IL1RAPL2: variants seen among roughly 807,000 people sequenced by gnomAD.
IL1RAPL2 encodes interleukin 1 receptor accessory protein like 2.
In IL1RAPL2, 3 loss-of-function variants were observed where a neutral mutation model predicts 44.1. The ratio of observed to expected loss-of-function variants is 0.07; its 90% CI spans 0.03 to 0.18. IL1RAPL2 has a LOEUF of 0.18. IL1RAPL2 is among the 10% of genes least tolerant of loss of function. IL1RAPL2 has a pLI of 1.00. For synonymous variants in IL1RAPL2, 181 were observed against 178.8 expected (o/e 1.01, Z -0.10); for missense variants, 391 against 496.4 (o/e 0.79, Z 2.02).
intron 6 of IL1RAPL2, among the ~76,000 whole-genome samples, chrX:105,563,546 C>T (rs915040956): frequency 1.8e-5 from 2 of 111,678 alleles, no homozygotes; most frequent in Non-Finnish European, 3.8e-5. Context: ...CTATGTTACA[C>T]ATAGAGTCTC....
intron 6 of IL1RAPL2, among the ~76,000 whole-genome samples, chrX:105,698,135 T>C (rs1229477320): frequency 2.7e-5 from 3 of 111,444 alleles, no homozygotes; most frequent in African/African-American, 9.8e-5. Context: ...ATATTTAAGA[T>C]CTTTTACATT....
chrX:105,038,787 C>CCT (rs1283828003), intron 2 of IL1RAPL2, among the ~76,000 whole-genome samples: 3 of 110,547 alleles, frequency 2.7e-5, no homozygotes, highest in Admixed American at 9.7e-5. Flanking sequence ...TGCCCTGTCT[C>CCT]CTGGTGCTAG....
chrX:105,665,140 A>G (rs965988789), intron 6 of IL1RAPL2, among the ~76,000 whole-genome samples: 1 of 111,615 alleles, frequency 9.0e-6, no homozygotes, highest in African/African-American at 3.3e-5. Flanking sequence ...AGTCAAAATT[A>G]TATGTGGATT....
chrX:105,678,910 T>A (rs997140794), intron 6 of IL1RAPL2, among the ~76,000 whole-genome samples: 1 of 111,412 alleles, frequency 9.0e-6, no homozygotes, highest in Non-Finnish European at 1.9e-5. Context: ...ACATTAGTTT[T>A]AAAATATGTA....
intron 4 of IL1RAPL2, among the ~76,000 whole-genome samples, chrX:105,236,603 C>A (rs151081608): frequency 0.02 from 2,180 of 110,940 alleles, 60 homozygotes; most frequent in African/African-American, 0.068. Flanking sequence ...GCTACTAGCC[C>A]CACTCTTAGC....
chrX:105,030,851 G>A (rs189258388), intron 2 of IL1RAPL2, among the ~76,000 whole-genome samples: 1,961 of 111,643 alleles, frequency 0.018, 44 homozygotes, highest in African/African-American at 0.059. Context: ...CAATTTTCAC[G>A]ATATTGATTC....
At chrX:104,936,544 A>C (rs1221257075) in intron 2 of IL1RAPL2, among the ~76,000 whole-genome samples, 1 of 110,695 alleles carries the variant, frequency 9.0e-6, no homozygotes, top group Non-Finnish European at 1.9e-5. Flanking sequence ...ACCAATCTAT[A>C]GAAGCAAAAA....
intron 5 of IL1RAPL2, among the ~76,000 whole-genome samples, chrX:105,295,814 G>A (rs2034650394): frequency 9.0e-6 from 1 of 110,953 alleles, no homozygotes; most frequent in Non-Finnish European, 1.9e-5. Flanking sequence ...CCTTTTTCCT[G>A]CCATGTAAAT....
At chrX:105,119,249 C>T (rs1378737783) in intron 2 of IL1RAPL2, among the ~76,000 whole-genome samples, 1 of 111,105 alleles carries the variant, frequency 9.0e-6, no homozygotes, top group Non-Finnish European at 1.9e-5. Context: ...TATATTCTTA[C>T]ATGTCTTAGA....
chrX:105,487,488 A>G (rs1465193853), intron 6 of IL1RAPL2, among the ~76,000 whole-genome samples: 1 of 112,311 alleles, frequency 8.9e-6, no homozygotes, highest in Non-Finnish European at 1.9e-5. Flanking sequence ...ACAATTGGAA[A>G]CAACTTTATT....
chrX:105,147,330 A>C (rs1007847946), intron 2 of IL1RAPL2, among the ~76,000 whole-genome samples: 1 of 111,712 alleles, frequency 9.0e-6, no homozygotes, highest in Non-Finnish European at 1.9e-5. Context: ...ATTTCCCTTG[A>C]AGGTACAGAG....
At chrX:104,579,126 ACTG>A (rs948078717) in intron 1 of IL1RAPL2, among the ~76,000 whole-genome samples, 1 of 111,834 alleles carries the variant, frequency 8.9e-6, no homozygotes, top group African/African-American at 3.2e-5. Flanking sequence ...GGGGCAGAGA[ACTG>A]CTGTTTTATA....
intron 2 of IL1RAPL2, among the ~76,000 whole-genome samples, chrX:105,056,638 T>C (rs2031997464): frequency 9.0e-6 from 1 of 111,367 alleles, no homozygotes; most frequent in Non-Finnish European, 1.9e-5. Context: ...TCTGAGATTA[T>C]TTGTGAGACT....
At chrX:104,666,670 T>C (rs1930491724) in intron 2 of IL1RAPL2, among the ~76,000 whole-genome samples, 1 of 111,923 alleles carries the variant, frequency 8.9e-6, no homozygotes, top group Admixed American at 9.5e-5. Context: ...TTCTGCCAGG[T>C]GAGTTTCTAT....
At chrX:104,718,997 T>A (rs1020805569) in intron 2 of IL1RAPL2, among the ~76,000 whole-genome samples, 1 of 112,028 alleles carries the variant, frequency 8.9e-6, no homozygotes, top group Non-Finnish European at 1.9e-5. Flanking sequence ...TGGGTTGTAG[T>A]TTCTGACTCC....
intron 2 of IL1RAPL2, among the ~76,000 whole-genome samples, chrX:104,775,341 G>A (rs909619587): frequency 5.4e-5 from 6 of 111,551 alleles, no homozygotes; most frequent in South Asian, 3.8e-4. Flanking sequence ...GGGGAGTTGC[G>A]TTTTGGAATT....
At chrX:104,582,822 CTCTTTCTTTCTTTCTT>C (rs778392028) in intron 1 of IL1RAPL2, among the ~76,000 whole-genome samples, 107 of 40,656 alleles carry the variant, frequency 2.6e-3, no homozygotes, top group African/African-American at 8.3e-3. Context: ...TCCTTTCTTT[CTCTTTCTTTCTTTCTT>C]TCTTTCTTTC....
At chrX:104,815,308 G>A (rs781646792) in intron 2 of IL1RAPL2, among the ~76,000 whole-genome samples, 1 of 111,471 alleles carries the variant, frequency 9.0e-6, no homozygotes, top group Non-Finnish European at 1.9e-5. Flanking sequence ...AAAAAAACAA[G>A]ATGTGGGCAG....
chrX:105,080,711 G>A (rs1463012249), intron 2 of IL1RAPL2, among the ~76,000 whole-genome samples: 1 of 111,587 alleles, frequency 9.0e-6, no homozygotes, highest in Non-Finnish European at 1.9e-5. Flanking sequence ...GCTCTTTTTT[G>A]GTTCCGTAGG....
Sources: allele counts gnomAD v4.1 joint callset (sites outside exome capture counted in the v4.1 genomes callset), GRCh38; gene constraint gnomAD v4.1.1; transcripts MANE v1.5; gene names NCBI Gene and HGNC (gene_info 2026-07-23, HGNC 2026-07-21).